TG: variants seen among roughly 807,000 people sequenced by gnomAD.
The protein encoded by TG is thyroid hormones.
In TG, 270 loss-of-function variants were observed where a neutral mutation model predicts 324.7. The observed-to-expected ratio is 0.83, with a 90% confidence interval of 0.75 to 0.92. The LOEUF (loss-of-function observed/expected upper bound fraction) is 0.92, where lower values mean the gene tolerates loss of function less well. TG is among the 40% of genes least tolerant of loss of function. TG has a pLI of 0.00. For missense variants in TG, 3,591 were observed against 3,456.4 expected, an observed-to-expected ratio of 1.04 and a Z score of -0.98; for synonymous variants, 1,401 against 1,327.0, an observed-to-expected ratio of 1.06 and a Z score of -1.21.
intron 41 of TG, among the ~76,000 whole-genome samples, chr8:133,072,742 C>A (rs779913304): frequency 1.9e-4 from 29 of 152,178 alleles, no homozygotes; most frequent in Non-Finnish European, 3.4e-4. Flanking sequence ...TGCCAGATTT[C>A]ACAATTTAGA....
intron 25 of TG, among the ~76,000 whole-genome samples, chr8:132,938,664 G>T (rs547687611): frequency 3.3e-4 from 50 of 152,266 alleles, no homozygotes; most frequent in African/African-American, 1.2e-3. Context: ...AAATGAAACA[G>T]GACGAGGAGG....
chr8:133,004,791 A>T (rs1184388193), intron 35 of TG, among the ~76,000 whole-genome samples: 1 of 152,052 alleles, frequency 6.6e-6, no homozygotes, highest in Admixed American at 6.5e-5. Flanking sequence ...CCAGATGCGG[A>T]TGTTAGAACG....
chr8:133,056,322 G>A (rs1245311552), intron 41 of TG, among the ~76,000 whole-genome samples: 2 of 152,184 alleles, frequency 1.3e-5, no homozygotes, highest in African/African-American at 4.8e-5. Context: ...TACCAGCAGC[G>A]AGGTTAGATT....
rs1164704179 is a variant in TG, at chr8:133,095,344, A to T, written c.7404+136A>T. On this transcript the variant is annotated intron_variant, in intron 42 of 47. Coordinates refer to ENST00000220616, the MANE Select transcript of TG (RefSeq NM_003235.5). ...TGATGACCAACTGGAGCTGGAACTC[A>T]CATTCCCTAGCCCCTAGAGCTGTGC... 1.6e-5 allele frequency: 19 copies of T among 1,225,252 alleles called. No individual in the cohort carries two copies. The East Asian group carries it at 4.3e-4, about 28-fold the overall frequency. The allele number at this position is 1,225,252 out of a possible 1,614,324, so 75.9% of individuals were successfully genotyped here. A position where few individuals can be genotyped will look rare whatever the true frequency, so the allele number is the denominator to read the frequency against.
In TG at chr8:132,881,910, C is replaced by T. The variant is rs760079469; in HGVS notation, c.686C>T (p.Pro229Leu). 3.1e-6 allele frequency: 5 copies of T among 1,614,076 alleles called. No individual in the cohort carries two copies. In the Admixed American group the frequency reaches 8.3e-5, roughly 27 times the overall value. Residue 229 changes from proline (P) to leucine (L), a missense_variant, in exon 6 of 48, where the codon CCT becomes CTT. Transcript: ENST00000220616. ...VTFSSFQRRF[P>L]EVSGYCHCAD... is the part of the protein sequence containing the mutation. ...TTCAGTTCCTTCCAGAGGAGGTTCCCTGAGGTATCTGGGTATTGCCACTGT... is the reference window on the plus strand; with the variant it reads ...TTCAGTTCCTTCCAGAGGAGGTTCCTTGAGGTATCTGGGTATTGCCACTGT...
chr8:133,061,749 C>T (rs1336898401), intron 41 of TG, among the ~76,000 whole-genome samples: 1 of 152,182 alleles, frequency 6.6e-6, no homozygotes, highest in Non-Finnish European at 1.5e-5. Context: ...GTCAGCCCAT[C>T]CAACTCCCAC....
At chr8:133,067,931 GAA>G (rs1564145989) in intron 41 of TG, among the ~76,000 whole-genome samples, 13 of 148,650 alleles carry the variant, frequency 8.7e-5, no homozygotes, top group African/African-American at 2.3e-4. Flanking sequence ...GAGAGAGAGA[GAA>G]AGAAAGAAAG....
rs1203598611 is a variant in TG at position 132,901,348 on chromosome 8, G to A, written c.3434-5G>A. On this transcript the variant is annotated splice_region_variant and splice_polypyrimidine_tract_variant and intron_variant, in intron 15 of 47. Transcript: ENST00000220616. The stretch of plus-strand genomic sequence containing the variant: ...CCCAGCCCATCTGGCTTGTCTCTGT[G>A]TCAGGCCCAAGCCTCTGCAATGTGC... The A allele has an allele frequency of 1.2e-6, 2 of 1,614,100 alleles. No individual in the cohort carries two copies. The highest frequency in any genetic ancestry group is 1.7e-5 in the Admixed American group (1 of 60,026).
intron 25 of TG, 104 bp from the exon 26 acceptor site, chr8:132,941,247 A>G: frequency 1.5e-6 from 2 of 1,356,884 alleles, no homozygotes; most frequent in Admixed American, 1.7e-5. Flanking sequence ...TGCCTGGAGC[A>G]CTGTTGCAGC....
intron 24 of TG, among the ~76,000 whole-genome samples, chr8:132,935,263 C>A (rs1279936563): frequency 6.6e-6 from 1 of 151,996 alleles, no homozygotes; most frequent in Non-Finnish European, 1.5e-5. Context: ...GCCTCAGCCT[C>A]CTGAGTAGCT....
At chr8:132,913,945 C>T (rs908622127) in intron 20 of TG, among the ~76,000 whole-genome samples, 1 of 152,198 alleles carries the variant, frequency 6.6e-6, no homozygotes. Context: ...GTTTCCTCAC[C>T]TTTTCCACTT....
intron 10 of TG, 148 bp from the exon 11 acceptor site, chr8:132,893,542 G>A: frequency 9.9e-7 from 1 of 1,013,070 alleles, no homozygotes; most frequent in Non-Finnish European, 1.5e-6. Flanking sequence ...TGTGTGTGGT[G>A]TAGGGGGGTG....
chr8:132,981,679 T>C (rs956647464), intron 34 of TG, among the ~76,000 whole-genome samples: 6 of 152,322 alleles, frequency 3.9e-5, no homozygotes, highest in Non-Finnish European at 8.8e-5. Flanking sequence ...GCTTGAAATG[T>C]AGACCTCAGA....
At chr8:133,025,852 A>T (rs1353565417) in intron 40 of TG, among the ~76,000 whole-genome samples, 3 of 152,202 alleles carry the variant, frequency 2.0e-5, no homozygotes, top group Non-Finnish European at 2.9e-5. Context: ...TTTGCATCTG[A>T]GCAGGATGGG....
At chr8:133,043,858 G>A (rs887755614) in intron 41 of TG, among the ~76,000 whole-genome samples, 1 of 152,184 alleles carries the variant, frequency 6.6e-6, no homozygotes, top group African/African-American at 2.4e-5. Context: ...CCCAGAAGGG[G>A]GAAGATGCTG....
intron 45 of TG, among the ~76,000 whole-genome samples, chr8:133,117,331 C>T (rs993475146): frequency 1.3e-5 from 2 of 152,166 alleles, no homozygotes; most frequent in Non-Finnish European, 2.9e-5. Context: ...GGTTTCATAG[C>T]TCTAATAGCT....
chr8:133,051,707 G>A (rs531807145), intron 41 of TG, among the ~76,000 whole-genome samples: 2 of 152,286 alleles, frequency 1.3e-5, no homozygotes, highest in East Asian at 1.9e-4. Flanking sequence ...TGAGCGATAC[G>A]TCTGCTTCTA....
intron 38 of TG, among the ~76,000 whole-genome samples, chr8:133,019,225 T>C (rs1450213979): frequency 3.3e-5 from 5 of 152,168 alleles, no homozygotes. Context: ...TCTGTACTGG[T>C]GTAGAAAGCA....
At chr8:133,044,140 A>T (rs942035339) in intron 41 of TG, among the ~76,000 whole-genome samples, 1 of 152,204 alleles carries the variant, frequency 6.6e-6, no homozygotes, top group Non-Finnish European at 1.5e-5. Context: ...TGGATCTGGG[A>T]TAGAAACAGA....
Sources: allele counts gnomAD v4.1 joint callset (sites outside exome capture counted in the v4.1 genomes callset), GRCh38; gene constraint gnomAD v4.1.1; transcripts MANE v1.5; gene names NCBI Gene and HGNC (gene_info 2026-07-23, HGNC 2026-07-21).